TRIM2: variants seen among roughly 807,000 people sequenced by gnomAD.
The protein encoded by TRIM2 is tripartite motif containing 2.
TRIM2 carries 20 observed loss-of-function variants against 75.2 expected under a neutral mutation model. The observed-to-expected ratio is 0.27, with a 90% CI of 0.19 to 0.39. The LOEUF is 0.39. TRIM2 is among the 10% of genes least tolerant of loss of function. The pLI is 1.00. For missense variants in TRIM2, 660 were observed against 990.8 expected, an observed-to-expected ratio of 0.67 and a Z score of 4.48; for synonymous variants, 373 against 388.3, an observed-to-expected ratio of 0.96 and a Z score of 0.46.
intron 1 of TRIM2, among the ~76,000 whole-genome samples, chr4:153,244,500 A>G (rs996277650): frequency 1.4e-5 from 2 of 146,824 alleles, no homozygotes; most frequent in African/African-American, 5.0e-5. Flanking sequence ...GGCTCAAGCA[A>G]TCCTCCTGCC....
At chr4:153,203,291 A>C (rs1734634437), upstream of TRIM2, among the ~76,000 whole-genome samples, 1 of 151,752 alleles carries the variant, frequency 6.6e-6, no homozygotes, top group Non-Finnish European at 1.5e-5. Flanking sequence ...CTGAGGCAGG[A>C]GGATGACCTG....
intron 1 of TRIM2, among the ~76,000 whole-genome samples, chr4:153,185,962 C>G (rs760342302): frequency 2.6e-4 from 39 of 152,258 alleles, no homozygotes; most frequent in South Asian, 8.3e-4. Context: ...CTCCTGTGGG[C>G]AGGGGGCTGA....
chr4:153,273,469 A>AT, intron 2 of TRIM2, among the ~76,000 whole-genome samples: 1 of 57,958 alleles, frequency 1.7e-5, no homozygotes, highest in Non-Finnish European at 3.5e-5. Context: ...TTTTTTTTGT[A>AT]TTTTTAGTAG....
At chr4:153,221,587 C>G (rs374869502) in intron 1 of TRIM2, among the ~76,000 whole-genome samples, 64 of 152,252 alleles carry the variant, frequency 4.2e-4, no homozygotes, top group African/African-American at 1.2e-3. Context: ...CCCTCTGCCC[C>G]CCAAAGAAGA....
At chr4:153,230,517 C>A (rs1743337432) in intron 1 of TRIM2, among the ~76,000 whole-genome samples, 1 of 152,076 alleles carries the variant, frequency 6.6e-6, no homozygotes, top group South Asian at 2.1e-4. Context: ...AATTCAGTTA[C>A]AAAAACAAAA....
At position 153,295,030 on chromosome 4, in the gene TRIM2, G is replaced by A. The variant is rs1487033775; in HGVS notation, c.787-283G>A. On this transcript the variant is annotated intron_variant, in intron 5 of 11. Coordinates refer to ENST00000338700, the MANE Select transcript of TRIM2 (RefSeq NM_015271.5). The surrounding 1 kb of genome is among the most constrained non-coding windows in gnomAD (Gnocchi z 7.2). Reference sequence around the variant, plus strand: ...TCAGGCATAGCAATTAATTTGCTATGCTCTTGGTAGTGACCTTTCTGTTTT... The same window carrying A: ...TCAGGCATAGCAATTAATTTGCTATACTCTTGGTAGTGACCTTTCTGTTTT... Among the ~76,000 whole-genome samples the A allele has an allele frequency of 6.6e-6, 1 of 152,216 alleles. No individual in the cohort carries two copies. Among genetic ancestry groups the A allele is most frequent in the South Asian group, 2.1e-4 (1 of 4,828 alleles).
chr4:153,230,896 T>C (rs1353163053), intron 1 of TRIM2, among the ~76,000 whole-genome samples: 1 of 152,230 alleles, frequency 6.6e-6, no homozygotes, highest in Non-Finnish European at 1.5e-5. Context: ...ATTTAACCTC[T>C]CATTTGAGCA....
At chr4:153,172,180 A>G (rs1730943752) in intron 1 of TRIM2, among the ~76,000 whole-genome samples, 1 of 147,962 alleles carries the variant, frequency 6.8e-6, no homozygotes, top group East Asian at 2.0e-4. Flanking sequence ...TATTACAGTG[A>G]TTTTTATTTT....
chr4:153,333,896 G>A (rs1772033520), intron 11 of TRIM2, among the ~76,000 whole-genome samples: 1 of 152,134 alleles, frequency 6.6e-6, no homozygotes, highest in African/African-American at 2.4e-5. Flanking sequence ...TAAAGGACTT[G>A]AGAATCTGAA....
At chr4:153,206,907 G>A (rs1308983182) in intron 1 of TRIM2, among the ~76,000 whole-genome samples, 3 of 151,890 alleles carry the variant, frequency 2.0e-5, no homozygotes, top group Non-Finnish European at 2.9e-5. Context: ...TTGAGACAGG[G>A]TCTTGCTCCG....
chr4:153,187,760 G>T (rs1341558205), intron 1 of TRIM2, among the ~76,000 whole-genome samples: 1 of 152,136 alleles, frequency 6.6e-6, no homozygotes, highest in East Asian at 1.9e-4. Context: ...CGGCACTGAG[G>T]TTCAGTGACA....
chr4:153,336,961 T>C lies in TRIM2; in HGVS notation c.*1995T>C. On this transcript the variant is annotated 3_prime_UTR_variant, in exon 12 of 12. Transcript: ENST00000338700. ...AACATCAGTGAGATACATCTTTGAA[T>C]TTAAACATTCATATTTACTGAGTAC... is the stretch of plus-strand genomic sequence containing the variant. The C allele has an allele frequency of 1.0e-6, 1 of 984,068 alleles. No homozygotes were observed. The highest frequency in any genetic ancestry group is 1.2e-6 in the Non-Finnish European group (1 of 828,696). 61.0% of individuals were successfully genotyped at this position (984,068 alleles called of 1,614,324 possible). A position where few individuals can be genotyped will look rare whatever the true frequency, so the allele number is the denominator to read the frequency against.
At chr4:153,233,243 G>A (rs1744134979) in intron 1 of TRIM2, among the ~76,000 whole-genome samples, 1 of 152,170 alleles carries the variant, frequency 6.6e-6, no homozygotes, top group South Asian at 2.1e-4. Flanking sequence ...GGAGAAGAGG[G>A]ACGACTGGGA....
chr4:153,303,693 T>C (rs1447301838), intron 6 of TRIM2, among the ~76,000 whole-genome samples: 1 of 152,274 alleles, frequency 6.6e-6, no homozygotes, highest in Admixed American at 6.5e-5. Flanking sequence ...CTAAGCTTTT[T>C]GTAGCATTAA....
rs530947460 is a variant in TRIM2, at chr4:153,308,595, A to G, written c.1511-6890A>G. The G allele has an allele frequency of 3.0e-4, 200 of 655,910 alleles. 1 individual carries two copies. The African/African-American group carries it at 3.2e-3, about 11-fold the overall frequency. 40.6% of individuals were successfully genotyped at this position (655,910 alleles called of 1,614,324 possible). On this transcript the variant is annotated intron_variant, in intron 6 of 11. Transcript: ENST00000338700. ...TGCTGTGGTTAGTCAAAATGTTGAC[A>G]GTGGTGATCTCATCCACACCTTTGG...
intron 5 of TRIM2, 111 bp downstream of exon 5, chr4:153,294,596 A>G: frequency 8.7e-7 from 1 of 1,143,310 alleles, no homozygotes; most frequent in Non-Finnish European, 1.2e-6. Flanking sequence ...ATTGTATAGT[A>G]AACTATAGTT....
At chr4:153,269,663 C>CTAATATTTAAATATAGTAA (rs1484757997) in intron 1 of TRIM2, among the ~76,000 whole-genome samples, 6 of 152,164 alleles carry the variant, frequency 3.9e-5, no homozygotes, top group African/African-American at 1.4e-4. Flanking sequence ...TAAATATAGT[C>CTAATATTTAAATATAGTAA]ATGGCTAAAG....
At chr4:153,165,472 G>A (rs571012052) in intron 1 of TRIM2, among the ~76,000 whole-genome samples, 8 of 151,896 alleles carry the variant, frequency 5.3e-5, no homozygotes, top group East Asian at 1.9e-4. Flanking sequence ...CTGGGACTAC[G>A]AACACATGCC....
At chr4:153,270,228 G>A (rs540131039) in intron 1 of TRIM2, 107 bp from the exon 2 acceptor site, 194 of 1,368,118 alleles carry the variant, frequency 1.4e-4, no homozygotes, top group Non-Finnish European at 1.7e-4. Context: ...ACACCTGGCC[G>A]ACTTCTACCT....
Sources: gnomAD v4.1 joint callset for allele counts (sites outside exome capture counted in the v4.1 genomes callset) on GRCh38, gnomAD v4.1.1 for gene constraint, Gnocchi (gnomAD v3.1) non-coding constraint, MANE v1.5 for transcripts, NCBI Gene and HGNC (gene_info 2026-07-23, HGNC 2026-07-21) for gene names.